The following PAK2 variants were observed in gnomAD, a reference collection of about 807,000 sequenced individuals.
PAK2 encodes p21 (RAC1) activated kinase 2, also known as serine/threonine-protein kinase PAK 2.
A neutral mutation model predicts 65.9 loss-of-function variants in PAK2; 21 were observed. That is an observed-to-expected ratio of 0.32 (90% CI 0.23 to 0.46). PAK2 has a LOEUF of 0.46. Ranked by LOEUF, PAK2 falls within the 20% of genes least tolerant of loss-of-function variation. PAK2 has a pLI of 1.00. For synonymous variants in PAK2, 204 were observed against 219.7 expected, an observed-to-expected ratio of 0.93 and a Z score of 0.63; for missense variants, 324 against 642.6, an observed-to-expected ratio of 0.50 and a Z score of 5.36.
At chr3:196,821,794 G>A (rs1015947170) in intron 13 of PAK2, among the ~76,000 whole-genome samples, 3 of 152,214 alleles carry the variant, frequency 2.0e-5, no homozygotes, top group African/African-American at 4.8e-5. Context: ...AATTCTGTGT[G>A]AAGTTAATAC....
At chr3:196,810,513 T>G in intron 7 of PAK2, 77 bp from the exon 8 acceptor site, 1 of 796,058 alleles carries the variant, frequency 1.3e-6, no homozygotes, top group South Asian at 1.4e-5. Flanking sequence ...GTGGAGTTCA[T>G]TAAAAGGAAT....
chr3:196,815,810 C>T (rs773712512), intron 11 of PAK2, among the ~76,000 whole-genome samples: 17 of 151,476 alleles, frequency 1.1e-4, no homozygotes, highest in African/African-American at 2.9e-4. Context: ...GAAAGAAATA[C>T]GCCACTCAAC....
At chr3:196,761,734 C>T (rs1467291784) in intron 1 of PAK2, among the ~76,000 whole-genome samples, 126 of 142,044 alleles carry the variant, frequency 8.9e-4, no homozygotes, top group Non-Finnish European at 1.6e-3. Context: ...TAGGGGCGGC[C>T]GGGCAGAGGC....
intron 1 of PAK2, among the ~76,000 whole-genome samples, chr3:196,762,899 C>G (rs956032482): frequency 2.0e-5 from 3 of 151,976 alleles, no homozygotes; most frequent in African/African-American, 7.3e-5. Flanking sequence ...TGGGTCCAAT[C>G]AGGAGAGAGA....
chr3:196,794,672 G>A (rs1715190519), intron 2 of PAK2, among the ~76,000 whole-genome samples: 1 of 152,206 alleles, frequency 6.6e-6, no homozygotes, highest in Non-Finnish European at 1.5e-5. Context: ...CGGGATTACT[G>A]TTCCCAGCCT....
In PAK2 at chr3:196,827,346, A is replaced by G. The variant is rs756591376; in HGVS notation, c.1488+13A>G. ...AGAATTATTACAGGTAAATTTAAAA[A>G]TGATTTCATTTGGGGGAATAGTTGA... On this transcript the variant is annotated intron_variant, in intron 14 of 14. Transcript: ENST00000327134. The G allele has an allele frequency of 2.5e-6, 4 of 1,598,170 alleles. No individual in the cohort carries two copies. The highest frequency in any genetic ancestry group is 3.4e-6 in the Non-Finnish European group (4 of 1,174,642).
At position 196,806,951 on chromosome 3, in the gene PAK2, G is replaced by A. The variant is rs187290813; in HGVS notation, c.576+265G>A. Among the ~76,000 whole-genome samples the A allele has an allele frequency of 4.1e-3, 618 of 152,184 alleles. 5 individuals are homozygous for A. The highest frequency in any genetic ancestry group is 0.01 in the South Asian group (49 of 4,824). On this transcript the variant is annotated intron_variant, in intron 6 of 14. Transcript: ENST00000327134. ...TTGTATAGTACACCTTTTCCAGAGGGTTCGTCTATTTCCCAAGCTTTCTCT... is the reference window on the plus strand; with the variant it reads ...TTGTATAGTACACCTTTTCCAGAGGATTCGTCTATTTCCCAAGCTTTCTCT...
intron 1 of PAK2, among the ~76,000 whole-genome samples, chr3:196,761,157 T>A (rs1267314523): frequency 1.3e-5 from 2 of 149,226 alleles, no homozygotes; most frequent in Non-Finnish European, 3.0e-5. Flanking sequence ...TTTTTTTTTT[T>A]TTTTTAATTT....
chr3:196,771,140 G>A (rs974857659), intron 1 of PAK2, among the ~76,000 whole-genome samples: 20 of 151,894 alleles, frequency 1.3e-4, no homozygotes, highest in African/African-American at 4.8e-4. Context: ...CAATGTTTCT[G>A]TTTACCTCAT....
In PAK2 at chr3:196,763,399, C is replaced by G. The variant is rs73892969; in HGVS notation, c.-21-19227C>G. 8.6e-3 allele frequency among the ~76,000 whole-genome samples: 1,312 copies of G among 152,246 alleles called. 14 individuals carry two copies. Among genetic ancestry groups the G allele is most frequent in the African/African-American group, 0.029 (1,202 of 41,538 alleles). On this transcript the variant is annotated intron_variant, in intron 1 of 14. Transcript: ENST00000327134. ...CAACTGGAACCAGGAAGCAAAACTC[C>G]TTTTCTTCTGTGATGTCTCTCCAGC...
chr3:196,781,096 C>T lies in PAK2; in HGVS notation c.-21-1530C>T, dbSNP rs542929460. On this transcript the variant is annotated intron_variant, in intron 1 of 14. Transcript: ENST00000327134. ...AGCCATCGTGCCCAGCTAATCTTCTCAACTTATACCTACTTTTCTTCAGGT... is the reference window on the plus strand; with the variant it reads ...AGCCATCGTGCCCAGCTAATCTTCTTAACTTATACCTACTTTTCTTCAGGT... 1.4e-4 allele frequency among the ~76,000 whole-genome samples: 21 copies of T among 152,268 alleles called. No individual in the cohort carries two copies. In the South Asian group the frequency reaches 3.7e-3, roughly 27 times the overall value.
rs944510069 is a variant in PAK2, at chr3:196,791,646, C to T, written c.187+8813C>T. Among the ~76,000 whole-genome samples the T allele has an allele frequency of 9.9e-5, 15 of 151,840 alleles. No homozygotes were observed. Among genetic ancestry groups the T allele is most frequent in the Admixed American group, 4.6e-4 (7 of 15,260 alleles). The stretch of plus-strand genomic sequence containing the variant: ...GTGTTAAGAAATATAATTCCTGGGC[C>T]GGGCGTGGTGGCTCACGCCTGTAAT... On this transcript the variant is annotated intron_variant, in intron 2 of 14. Coordinates refer to ENST00000327134, the MANE Select transcript of PAK2 (RefSeq NM_002577.4). This position sits in a 1 kb window ranked among gnomAD's most constrained non-coding sequence, Gnocchi z 4.0.
chr3:196,801,718 A>T (rs1715428635), intron 2 of PAK2, among the ~76,000 whole-genome samples: 1 of 152,130 alleles, frequency 6.6e-6, no homozygotes, highest in South Asian at 2.1e-4. Context: ...CTGTAATCCC[A>T]GCTACTTGGG....
chr3:196,794,120 G>C (rs1242794380), intron 2 of PAK2, among the ~76,000 whole-genome samples: 1 of 152,060 alleles, frequency 6.6e-6, no homozygotes, highest in Non-Finnish European at 1.5e-5. Context: ...AACAGTGCAA[G>C]ACTCTGTCTC....
chr3:196,762,098 G>GAT (rs1713995453), intron 1 of PAK2, among the ~76,000 whole-genome samples: 1 of 135,818 alleles, frequency 7.4e-6, no homozygotes, highest in African/African-American at 2.7e-5. Context: ...CATCCCAGAT[G>GAT]GGGCGGCGGG....
chr3:196,740,374 A>G (rs1051293248), intron 1 of PAK2, among the ~76,000 whole-genome samples: 1 of 152,046 alleles, frequency 6.6e-6, no homozygotes, highest in Non-Finnish European at 1.5e-5. Context: ...TTAGCCAGAA[A>G]TGGGAAGCTC....
In PAK2 at chr3:196,830,862, T is replaced by G. The variant is rs1293214658; in HGVS notation, c.*2457T>G. Reference sequence around the variant, plus strand: ...ATTCAGAACTTGTTGAAAGAAAAATTATATCTGAATCAAGATTCATGTTTT... The same window carrying G: ...ATTCAGAACTTGTTGAAAGAAAAATGATATCTGAATCAAGATTCATGTTTT... On this transcript the variant is annotated 3_prime_UTR_variant, in exon 15 of 15. Coordinates refer to ENST00000327134, the MANE Select transcript of PAK2 (RefSeq NM_002577.4). The G allele has an allele frequency of 6.6e-6, 1 of 152,174 alleles. No individual in the cohort carries two copies. Among genetic ancestry groups the G allele is most frequent in the Non-Finnish European group, 1.5e-5 (1 of 68,036 alleles). 9.4% of individuals were successfully genotyped at this position (152,174 alleles called of 1,614,324 possible). A position where few individuals can be genotyped will look rare whatever the true frequency, so the allele number is the denominator to read the frequency against.
At chr3:196,782,345 G>A (rs976843820) in intron 1 of PAK2, among the ~76,000 whole-genome samples, 1 of 151,550 alleles carries the variant, frequency 6.6e-6, no homozygotes, top group African/African-American at 2.4e-5. Context: ...CTATTGAGAA[G>A]GTCTCTTAGA....
In PAK2 at chr3:196,805,332, A is replaced by ATGTTT. The variant is rs763159162; in HGVS notation, c.437-14_437-10dup. ...TGCTGTTTCTTGAATTGCTAATGTT[A>ATGTTT]TGTTTTGTTTCATATTCAGAGAAAG... On this transcript the variant is annotated intron_variant, in intron 4 of 14. Transcript: ENST00000327134. 25 of 1,336,414 alleles carry ATGTTT rather than the reference A, an allele frequency of 1.9e-5. No individual in the cohort carries two copies. The highest frequency in any genetic ancestry group is 2.6e-5 in the Non-Finnish European group (25 of 971,788). 82.8% of individuals were successfully genotyped at this position (1,336,414 alleles called of 1,614,324 possible).
Sources: gnomAD v4.1 joint callset for allele counts (sites outside exome capture counted in the v4.1 genomes callset) on GRCh38, gnomAD v4.1.1 for gene constraint, Gnocchi (gnomAD v3.1) non-coding constraint, MANE v1.5 for transcripts, NCBI Gene and HGNC (gene_info 2026-07-23, HGNC 2026-07-21) for gene names.